SERGEF: variants seen among roughly 807,000 people sequenced by gnomAD.
The protein encoded by SERGEF is secretion-regulating guanine nucleotide exchange factor.
Under a neutral mutation model 50.0 loss-of-function variants are expected in SERGEF, and 51 were observed. The ratio of observed to expected loss-of-function variants is 1.02; its 90% confidence interval spans 0.81 to 1.29. The LOEUF (loss-of-function observed/expected upper bound fraction) is 1.29, where lower values mean the gene tolerates loss of function less well. SERGEF is among the 50% of genes most tolerant of loss of function. The probability of loss-of-function intolerance (pLI) is 0.00; values close to 1 mark genes in which losing one functional copy is unlikely to be tolerated. For missense variants in SERGEF, 521 were observed against 557.0 expected, an observed-to-expected ratio of 0.94 and a Z score of 0.65; for synonymous variants, 205 against 212.4, an observed-to-expected ratio of 0.97 and a Z score of 0.30.
chr11:17,923,372 A>G (rs1852192490), intron 9 of SERGEF, among the ~76,000 whole-genome samples: 1 of 152,202 alleles, frequency 6.6e-6, no homozygotes, highest in Non-Finnish European at 1.5e-5. Context: ...CAGAGGGCCC[A>G]ATCCTGGGAC....
chr11:18,006,326 GTACCACGCCT>G (rs1369334074), intron 3 of SERGEF, among the ~76,000 whole-genome samples: 2 of 151,998 alleles, frequency 1.3e-5, no homozygotes, highest in African/African-American at 4.8e-5. Flanking sequence ...TAGGCATGGG[GTACCACGCCT>G]GGCTAATTTT....
intron 9 of SERGEF, among the ~76,000 whole-genome samples, chr11:17,921,656 A>G (rs921435739): frequency 2.6e-5 from 4 of 152,262 alleles, no homozygotes; most frequent in African/African-American, 9.6e-5. Flanking sequence ...GAGGGTGCAG[A>G]CAAAGAGTCC....
At chr11:17,867,350 A>G (rs1024694022) in intron 10 of SERGEF, among the ~76,000 whole-genome samples, 8 of 152,268 alleles carry the variant, frequency 5.3e-5, no homozygotes, top group Non-Finnish European at 1.0e-4. Flanking sequence ...TCCAAAATCC[A>G]GTAGCGTAGT....
chr11:17,843,351 T>G (rs1034818615), intron 10 of SERGEF, among the ~76,000 whole-genome samples: 18 of 152,160 alleles, frequency 1.2e-4, no homozygotes, highest in African/African-American at 2.4e-5. Context: ...GATACTTGAG[T>G]TCCTACTATA....
intron 8 of SERGEF, among the ~76,000 whole-genome samples, chr11:17,960,357 G>A (rs889463025): frequency 6.6e-6 from 1 of 152,140 alleles, no homozygotes; most frequent in African/African-American, 2.4e-5. Context: ...ATTTGCAAAA[G>A]GAGAAATGGA....
chr11:17,946,049 T>C (rs1470577771), intron 9 of SERGEF, among the ~76,000 whole-genome samples: 1 of 152,140 alleles, frequency 6.6e-6, no homozygotes, highest in Non-Finnish European at 1.5e-5. Flanking sequence ...TTAAGAGCTC[T>C]AGCCAACTAG....
chr11:17,801,380 A>T (rs1849667405), intron 10 of SERGEF, among the ~76,000 whole-genome samples: 1 of 152,182 alleles, frequency 6.6e-6, no homozygotes. Context: ...AAATGCAGGG[A>T]GCAGATTTAG....
At chr11:17,932,986 A>G (rs1422477122) in intron 9 of SERGEF, among the ~76,000 whole-genome samples, 2 of 152,358 alleles carry the variant, frequency 1.3e-5, no homozygotes, top group East Asian at 3.9e-4. Flanking sequence ...AAGTTTTAAA[A>G]TAATACATTT....
Position 17,993,003 on chromosome 11 carries a change from A to G in SERGEF, c.623-10T>C, listed in dbSNP as rs766203128. On this transcript the variant is annotated splice_polypyrimidine_tract_variant and intron_variant, in intron 6 of 10. Transcript: ENST00000265965. ...TTAGAATTCTCTAGACCTACAAAAG[A>G]AAAAATGTTCTTCTGAATTACATTT... The G allele has an allele frequency of 2.3e-5, 37 of 1,612,282 alleles. No individual in the cohort carries two copies. The East Asian group carries it at 7.4e-4, about 32-fold the overall frequency.
chr11:17,847,015 T>C (rs1011829992), intron 10 of SERGEF, among the ~76,000 whole-genome samples: 2 of 152,222 alleles, frequency 1.3e-5, no homozygotes, highest in Non-Finnish European at 2.9e-5. Flanking sequence ...ATGTCAGATC[T>C]GCACCTCACC....
chr11:17,822,603 G>A (rs1415714416), intron 10 of SERGEF, among the ~76,000 whole-genome samples: 1 of 152,182 alleles, frequency 6.6e-6, no homozygotes, highest in Non-Finnish European at 1.5e-5. Flanking sequence ...AGAGGCAGGA[G>A]TGGAATCTGC....
At chr11:17,926,797 C>T in intron 9 of SERGEF, 1 of 456,208 alleles carries the variant, frequency 2.2e-6, no homozygotes, top group Non-Finnish European at 4.4e-6. Flanking sequence ...CCTCCTGAGA[C>T]CAGAGCTCTA....
At chr11:17,795,277 G>C (rs1421966573) in intron 10 of SERGEF, among the ~76,000 whole-genome samples, 1 of 152,158 alleles carries the variant, frequency 6.6e-6, no homozygotes, top group East Asian at 1.9e-4. Flanking sequence ...CCATCCTTTT[G>C]GCAGCAACTG....
chr11:17,959,557 T>C lies in SERGEF; in HGVS notation c.924A>G (p.Lys308=), dbSNP rs1373205263. Reference sequence around the variant, plus strand: ...GGAGAAATGAATCTTGCTTTTCTAGTTTCCAGCCTTCATAAGTCTCCAACT... The same window carrying C: ...GGAGAAATGAATCTTGCTTTTCTAGCTTCCAGCCTTCATAAGTCTCCAACT... ...GRKLETYEGW[K]LEKQDSFLPC... Residue 308 remains lysine, a synonymous_variant, in exon 9 of 11, where the codon AAA becomes AAG. Coordinates refer to ENST00000265965, the MANE Select transcript of SERGEF (RefSeq NM_012139.4). 3.1e-6 allele frequency: 5 copies of C among 1,614,032 alleles called. No homozygotes were observed. The Admixed American group carries it at 6.7e-5, about 22-fold the overall frequency.
At chr11:17,877,571 G>A (rs550462528) in intron 10 of SERGEF, among the ~76,000 whole-genome samples, 25 of 152,316 alleles carry the variant, frequency 1.6e-4, no homozygotes, top group African/African-American at 6.0e-4. Context: ...CTGAACTCAG[G>A]CAGTCTGGCC....
At chr11:17,855,564 A>G (rs1392181319) in intron 10 of SERGEF, 1 of 152,214 alleles carries the variant, frequency 6.6e-6, no homozygotes, top group African/African-American at 2.4e-5. Context: ...GACACACTGG[A>G]CAAAGAGATG....
intron 9 of SERGEF, among the ~76,000 whole-genome samples, chr11:17,947,975 C>A (rs554133952): frequency 4.4e-5 from 6 of 136,972 alleles, no homozygotes; most frequent in Non-Finnish European, 9.2e-5. Context: ...TTTTCTGAGA[C>A]GGAGTCTTGT....
intron 8 of SERGEF, among the ~76,000 whole-genome samples, chr11:17,976,652 G>T (rs1275495124): frequency 3.3e-5 from 5 of 151,980 alleles, no homozygotes; most frequent in Admixed American, 3.3e-4. Flanking sequence ...CCCTGAGAAA[G>T]GGCAAGCAGA....
At chr11:17,820,014 A>T (rs7109836) in intron 10 of SERGEF, among the ~76,000 whole-genome samples, 54,015 of 150,558 alleles carry the variant, frequency 0.36, 11,214 homozygotes, top group East Asian at 0.7. Flanking sequence ...ATTAAAAAAA[A>T]ATTTTTTTTT....
Sources: allele counts gnomAD v4.1 joint callset (sites outside exome capture counted in the v4.1 genomes callset), GRCh38; gene constraint gnomAD v4.1.1; transcripts MANE v1.5; gene names NCBI Gene and HGNC (gene_info 2026-07-23, HGNC 2026-07-21).